The following TENM4 variants were observed in gnomAD, a reference collection of about 807,000 sequenced individuals.
TENM4 encodes teneurin-4.
In TENM4, 82 loss-of-function variants were observed where a neutral mutation model predicts 243.3. That is an observed-to-expected ratio of 0.34 (90% confidence interval 0.28 to 0.40). The LOEUF (loss-of-function observed/expected upper bound fraction) is 0.40. Ranked by LOEUF, TENM4 falls within the 10% of genes least tolerant of loss-of-function variation. The probability of loss-of-function intolerance (pLI) is 1.00; values close to 1 mark genes in which losing one functional copy is unlikely to be tolerated. For missense variants in TENM4, 3,138 were observed against 3,673.3 expected (o/e 0.85, Z 3.77); for synonymous variants, 1,412 against 1,456.3 (o/e 0.97, Z 0.69).
chr11:79,092,712 A>C (rs1860989085), intron 4 of TENM4: 1 of 152,250 alleles, frequency 6.6e-6, no homozygotes, highest in South Asian at 2.1e-4. Flanking sequence ...TAGATCCATC[A>C]AACATTTACT....
At chr11:79,242,937 T>C (rs1300635681) in intron 2 of TENM4, among the ~76,000 whole-genome samples, 1 of 152,194 alleles carries the variant, frequency 6.6e-6, no homozygotes, top group East Asian at 1.9e-4. Context: ...CTTGATCTGA[T>C]GCATTTTTAA....
At chr11:79,158,199 CT>C (rs746310602) in intron 3 of TENM4, among the ~76,000 whole-genome samples, 2 of 152,182 alleles carry the variant, frequency 1.3e-5, no homozygotes, top group African/African-American at 2.4e-5. Flanking sequence ...AGAAAATCTA[CT>C]TTTGTAACAT....
chr11:79,055,402 C>G (rs1859917535), intron 6 of TENM4, among the ~76,000 whole-genome samples: 1 of 151,956 alleles, frequency 6.6e-6, no homozygotes, highest in African/African-American at 2.4e-5. Flanking sequence ...CCACCACACC[C>G]AGCTAATTTT....
At chr11:79,130,559 C>T (rs997639889) in intron 4 of TENM4, among the ~76,000 whole-genome samples, 7 of 152,180 alleles carry the variant, frequency 4.6e-5, no homozygotes, top group Non-Finnish European at 8.8e-5. Context: ...TGCAGTGGCT[C>T]ATGCCTGTAA....
At chr11:78,738,664 C>T in intron 19 of TENM4, 94 bp from the exon 20 acceptor site, 2 of 1,334,654 alleles carry the variant, frequency 1.5e-6, no homozygotes, top group Admixed American at 2.2e-5. Context: ...GCCAGAAAAT[C>T]AGTCACTCAG....
At chr11:78,824,186 G>C (rs1296641582) in intron 12 of TENM4, among the ~76,000 whole-genome samples, 1 of 152,150 alleles carries the variant, frequency 6.6e-6, no homozygotes, top group Non-Finnish European at 1.5e-5. Context: ...TGGAGACTGG[G>C]TAATTTATAA....
chr11:79,285,983 T>A (rs1856243335), intron 2 of TENM4, among the ~76,000 whole-genome samples: 1 of 152,092 alleles, frequency 6.6e-6, no homozygotes, highest in African/African-American at 2.4e-5. Flanking sequence ...ACTCTGTGAA[T>A]AGACTAAAAA....
At position 79,365,184 on chromosome 11, in the gene TENM4, G is replaced by GAT. The variant is rs1857655796; in HGVS notation, c.-320-67643_-320-67642dup. Reference sequence around the variant, plus strand: ...GCAGCCCCAAGAGGCTTTGAGCTGGGATAAGCACTATATCTACCCCAAAAT... The same window carrying GAT: ...GCAGCCCCAAGAGGCTTTGAGCTGGGATATAAGCACTATATCTACCCCAAAAT... On this transcript the variant is annotated intron_variant, in intron 1 of 33. Transcript: ENST00000278550. Among the ~76,000 whole-genome samples the GAT allele has an allele frequency of 2.6e-5, 4 of 152,318 alleles. No individual in the cohort carries two copies. The South Asian group carries it at 8.3e-4, about 32-fold the overall frequency.
At chr11:79,243,125 A>C (rs1481123903) in intron 2 of TENM4, among the ~76,000 whole-genome samples, 1 of 151,918 alleles carries the variant, frequency 6.6e-6, no homozygotes, top group Non-Finnish European at 1.5e-5. Context: ...AGTGACTTTC[A>C]TCGGGGCACT....
At chr11:79,000,770 C>T (rs975774889) in intron 6 of TENM4, among the ~76,000 whole-genome samples, 1 of 152,208 alleles carries the variant, frequency 6.6e-6, no homozygotes, top group Non-Finnish European at 1.5e-5. Context: ...GCGGCTCATG[C>T]CTGTAATCCC....
At chr11:78,812,558 C>T (rs1857522701) in intron 13 of TENM4, among the ~76,000 whole-genome samples, 1 of 152,198 alleles carries the variant, frequency 6.6e-6, no homozygotes, top group Non-Finnish European at 1.5e-5. Flanking sequence ...CACTTAACCC[C>T]ATCCCCTTCA....
intron 16 of TENM4, among the ~76,000 whole-genome samples, chr11:78,782,452 C>T (rs1449997054): frequency 3.3e-5 from 5 of 152,174 alleles, no homozygotes; most frequent in African/African-American, 4.8e-5. Flanking sequence ...ACAAAATTAG[C>T]CAGGTGTGGT....
chr11:78,791,509 G>A (rs572851084), intron 15 of TENM4, among the ~76,000 whole-genome samples: 1 of 152,314 alleles, frequency 6.6e-6, no homozygotes, highest in South Asian at 2.1e-4. Flanking sequence ...TTGGAGGACT[G>A]CTGTAGGAAT....
chr11:79,351,469 G>A (rs1044654251), intron 1 of TENM4, among the ~76,000 whole-genome samples: 7 of 152,142 alleles, frequency 4.6e-5, no homozygotes, highest in African/African-American at 7.2e-5. Flanking sequence ...ACTTTGGAAG[G>A]CTGAGGCGGG....
chr11:78,669,565 G>A lies in TENM4; in HGVS notation c.6780C>T (p.Phe2260=). The A allele has an allele frequency of 1.2e-6, 2 of 1,613,954 alleles. No individual in the cohort carries two copies. Among genetic ancestry groups the A allele is most frequent in the South Asian group, 2.2e-5 (2 of 91,078 alleles). ...DVQYKMDEDG[F]LRQRGGDIFE... is the part of the protein sequence containing the mutation. ...AGATATCACCGCCCCGCTGCCTCAG[G>A]AAGCCATCCTCATCCATCTTGTATT... is the stretch of plus-strand genomic sequence containing the variant. Residue 2260 remains phenylalanine (F), a synonymous_variant, in exon 32 of 34, where the codon TTC becomes TTT. Coordinates refer to ENST00000278550, the MANE Select transcript of TENM4 (RefSeq NM_001098816.3). This position sits in a 1 kb window ranked among gnomAD's most constrained non-coding sequence, Gnocchi z 6.4.
chr11:79,406,775 TA>T (rs1242719537), intron 1 of TENM4, among the ~76,000 whole-genome samples: 6 of 152,122 alleles, frequency 3.9e-5, no homozygotes, highest in Non-Finnish European at 8.8e-5. Context: ...GATAATTCTT[TA>T]AAAACTGTAT....
intron 3 of TENM4, among the ~76,000 whole-genome samples, chr11:79,151,996 T>C (rs1172096437): frequency 6.6e-6 from 1 of 152,150 alleles, no homozygotes; most frequent in Non-Finnish European, 1.5e-5. Context: ...ACATTGTCCT[T>C]GAATGGAGAA....
chr11:79,156,253 T>C (rs1010603257), intron 3 of TENM4, among the ~76,000 whole-genome samples: 2 of 152,190 alleles, frequency 1.3e-5, no homozygotes, highest in African/African-American at 2.4e-5. Flanking sequence ...GCACAGACCA[T>C]TGTAGCTCCT....
intron 3 of TENM4, among the ~76,000 whole-genome samples, chr11:79,212,248 G>T (rs973725393): frequency 6.6e-6 from 1 of 152,188 alleles, no homozygotes; most frequent in African/African-American, 2.4e-5. Context: ...ATCTGAAAGT[G>T]CTCTGAGGCA....
Sources: allele counts gnomAD v4.1 joint callset (sites outside exome capture counted in the v4.1 genomes callset), GRCh38; gene constraint gnomAD v4.1.1; non-coding constraint Gnocchi (gnomAD v3.1); transcripts MANE v1.5; gene names NCBI Gene and HGNC (gene_info 2026-07-23, HGNC 2026-07-21).